TRIM16: variants seen among roughly 807,000 people sequenced by gnomAD.
TRIM16 encodes tripartite motif-containing protein 16.
A neutral mutation model predicts 50.4 loss-of-function variants in TRIM16; 33 were observed. The observed-to-expected ratio is 0.65, with a 90% CI of 0.50 to 0.88. The LOEUF (loss-of-function observed/expected upper bound fraction) is 0.88. Ranked by LOEUF, TRIM16 falls within the 40% of genes least tolerant of loss-of-function variation. The probability of loss-of-function intolerance (pLI) is 0.00; values close to 1 mark genes in which losing one functional copy is unlikely to be tolerated. For missense variants in TRIM16, 581 were observed against 686.8 expected, an observed-to-expected ratio of 0.85 and a Z score of 1.72; for synonymous variants, 229 against 270.7, an observed-to-expected ratio of 0.85 and a Z score of 1.51.
At chr17:15,633,109 G>A (rs1410601931) in intron 9 of TRIM16, among the ~76,000 whole-genome samples, 1 of 152,202 alleles carries the variant, frequency 6.6e-6, no homozygotes, top group Non-Finnish European at 1.5e-5. Flanking sequence ...TTCATCCAAT[G>A]CATAAATTTC....
At chr17:15,637,617 A>G (rs1200876178) in intron 8 of TRIM16, among the ~76,000 whole-genome samples, 2 of 57,484 alleles carry the variant, frequency 3.5e-5, no homozygotes, top group African/African-American at 8.1e-5. Flanking sequence ...TCCGGGAGGG[A>G]GGTGGGGGGG....
rs74467820 is a variant in TRIM16 at position 15,667,187 on chromosome 17, A to C, written c.-338+9989T>G. On this transcript the variant is annotated intron_variant, in intron 6 of 11. Transcript: ENST00000649191. The stretch of plus-strand genomic sequence containing the variant: ...AGGTCAAAACTATTTTCATGATAAC[A>C]CTTGAGTATTCTTTGCTATTTTCAC... Among the ~76,000 whole-genome samples the C allele has an allele frequency of 2.0e-5, 3 of 152,108 alleles. No individual in the cohort carries two copies. In the East Asian group the frequency reaches 5.8e-4, roughly 30 times the overall value.
At chr17:15,665,095 A>T (rs1368316404) in intron 6 of TRIM16, among the ~76,000 whole-genome samples, 1 of 151,182 alleles carries the variant, frequency 6.6e-6, no homozygotes, top group Admixed American at 6.6e-5. Flanking sequence ...CCTGCTCAAC[A>T]GGGTGTGTTT....
intron 1 of TRIM16, 95 bp downstream of exon 1, chr17:15,684,101 G>T (rs1259397494): frequency 6.6e-6 from 1 of 152,330 alleles, no homozygotes; most frequent in Non-Finnish European, 1.5e-5. Context: ...AGCTCCAGCA[G>T]AAGGAATTAC....
chr17:15,656,018 C>CG (rs1567681106), intron 6 of TRIM16, among the ~76,000 whole-genome samples: 1 of 152,122 alleles, frequency 6.6e-6, no homozygotes, highest in Non-Finnish European at 1.5e-5. Context: ...CAATGGGAGA[C>CG]GGCATCATGC....
intron 4 of TRIM16, among the ~76,000 whole-genome samples, chr17:15,678,033 T>C (rs948975766): frequency 3.3e-5 from 5 of 152,172 alleles, no homozygotes; most frequent in Middle Eastern, 3.4e-3. Context: ...CTGGCTAACA[T>C]GGTGAAACCC....
chr17:15,634,545 C>T (rs189565835), intron 9 of TRIM16, among the ~76,000 whole-genome samples: 3,964 of 138,358 alleles, frequency 0.029, 316 homozygotes, highest in South Asian at 0.04. Context: ...GCAGGAGAAT[C>T]GCTTGAACCC....
rs3885100 is a variant in TRIM16 at position 15,628,541 on chromosome 17, C to A, written c.*74G>T. On this transcript the variant is annotated 3_prime_UTR_variant, in exon 12 of 12. Coordinates refer to ENST00000649191, the MANE Select transcript of TRIM16 (RefSeq NM_001348119.1). ...AGCCAGCTACCATCAGCAGTTATTT[C>A]TGCCCCCAAATCACCCTAAAATGCA... 2 of 1,471,184 alleles carry A rather than the reference C, an allele frequency of 1.4e-6. No homozygotes were observed. The highest frequency in any genetic ancestry group is 1.8e-6 in the Non-Finnish European group (2 of 1,105,400). The allele number at this position is 1,471,184 out of a possible 1,614,324, so 91.1% of individuals were successfully genotyped here.
chr17:15,636,496 T>C (rs1256854420), intron 8 of TRIM16, among the ~76,000 whole-genome samples: 2 of 149,252 alleles, frequency 1.3e-5, no homozygotes, highest in Non-Finnish European at 3.0e-5. Flanking sequence ...TGAATTCCTC[T>C]ATGACCTCTG....
intron 6 of TRIM16, chr17:15,675,780 C>T (rs1464446834): frequency 6.5e-6 from 1 of 154,244 alleles, no homozygotes; most frequent in Non-Finnish European, 1.5e-5. Context: ...TGTATATACA[C>T]ATACGTATAT....
At chr17:15,639,518 A>C (rs1337907752) in intron 8 of TRIM16, among the ~76,000 whole-genome samples, 1 of 148,178 alleles carries the variant, frequency 6.7e-6, no homozygotes, top group Non-Finnish European at 1.5e-5. Context: ...AAAAGCTTTT[A>C]GACAGGTGAC....
intron 6 of TRIM16, among the ~76,000 whole-genome samples, chr17:15,673,514 T>C (rs1567689750): frequency 6.6e-6 from 1 of 152,144 alleles, no homozygotes; most frequent in African/African-American, 2.4e-5. Context: ...TCTCAGGTTC[T>C]GGCTAGTACA....
chr17:15,642,736 G>A lies in TRIM16; in HGVS notation c.600C>T (p.Asn200=), dbSNP rs1161211266. 9.2e-6 allele frequency: 8 copies of A among 866,160 alleles called. No homozygotes were observed. Among genetic ancestry groups the A allele is most frequent in the Non-Finnish European group, 1.2e-5 (7 of 584,186 alleles). 53.7% of individuals were successfully genotyped at this position (866,160 alleles called of 1,614,324 possible). Residue 200 remains asparagine, a synonymous_variant, in exon 8 of 12, where the codon AAC becomes AAT. Transcript: ENST00000649191. The stretch of plus-strand genomic sequence containing the variant: ...CTGGTCTTACCAGAACAGACTTTTG[G>A]TTAGCCTGGAGCCTGGAGATGGCAT... ...NENAISRLQA[N]QKSVLVSVSE...
chr17:15,629,030 T>C lies in TRIM16; in HGVS notation c.1280A>G (p.His427Arg). 1 of 1,614,114 alleles carries C rather than the reference T, an allele frequency of 6.2e-7. No homozygotes were observed. The highest frequency in any genetic ancestry group is 8.5e-7 in the Non-Finnish European group (1 of 1,179,976). ...GATCTCCACCTCAAAATAGTACCTG[T>C]GCAGGTACAGACTCTGCTGGGACAG... ...QVLSQQSLYL[H>R]RYYFEVEIFG... Residue 427 changes from histidine (H) to arginine (R), a missense_variant, in exon 12 of 12, where the codon CAC becomes CGC. Physicochemically the swap from His to Arg is conservative, Grantham distance 29. Transcript: ENST00000649191.
intron 9 of TRIM16, among the ~76,000 whole-genome samples, chr17:15,634,227 G>T (rs1044032775): frequency 6.7e-6 from 1 of 148,904 alleles, no homozygotes; most frequent in Non-Finnish European, 1.5e-5. Context: ...TACTTGGAAG[G>T]CTGAGGCAGG....
At position 15,629,040 on chromosome 17, in the gene TRIM16, G is replaced by C. The variant is rs1361601811; in HGVS notation, c.1270C>G (p.Leu424Val). 6 of 1,614,088 alleles carry C rather than the reference G, an allele frequency of 3.7e-6. No individual in the cohort carries two copies. Among genetic ancestry groups the C allele is most frequent in the Non-Finnish European group, 5.1e-6 (6 of 1,179,968 alleles). ...HWRQVLSQQS[L>V]YLHRYYFEVE... ...TCAAAATAGTACCTGTGCAGGTACA[G>C]ACTCTGCTGGGACAGCACCTGCCGC... The change falls in exon 12 of 12, where the codon CTG becomes GTG. Residue 424 changes from leucine (L) to valine (V), a missense_variant. This residue lies in a region of TRIM16 where 450 missense variants were observed against 544.3 expected (regional missense o/e 0.83). Transcript: ENST00000649191.
intron 7 of TRIM16, among the ~76,000 whole-genome samples, chr17:15,646,824 A>G (rs536028018): frequency 6.6e-6 from 1 of 152,206 alleles, no homozygotes; most frequent in Admixed American, 6.5e-5. Flanking sequence ...TCAGCTGCTC[A>G]GAATTCACCA....
chr17:15,665,742 T>A (rs1988471336), intron 6 of TRIM16, among the ~76,000 whole-genome samples: 2 of 151,732 alleles, frequency 1.3e-5, no homozygotes, highest in Admixed American at 1.3e-4. Context: ...TCTTCCTAGA[T>A]GAGCTCATCC....
At chr17:15,680,071 G>A (rs897509047) in intron 4 of TRIM16, among the ~76,000 whole-genome samples, 1 of 151,878 alleles carries the variant, frequency 6.6e-6, no homozygotes, top group African/African-American at 2.4e-5. Flanking sequence ...CTTTTTTCCT[G>A]TGCCAGAGGA....
Sources: gnomAD v4.1 joint callset for allele counts (sites outside exome capture counted in the v4.1 genomes callset) on GRCh38, gnomAD v4.1.1 for gene constraint, gnomAD v4.1.1 regional missense constraint, MANE v1.5 for transcripts, NCBI Gene and HGNC (gene_info 2026-07-23, HGNC 2026-07-21) for gene names.